Variants in PERM1 observed in about 807,000 individuals in gnomAD.
PERM1 encodes PGC-1 and ERR-induced regulator in muscle protein 1.
In PERM1, 45 loss-of-function variants were observed where a neutral mutation model predicts 44.1. That is an observed-to-expected ratio of 1.02 (90% confidence interval 0.80 to 1.31). The LOEUF (loss-of-function observed/expected upper bound fraction) is 1.31. Ranked by LOEUF, PERM1 falls within the 50% of genes most tolerant of loss-of-function variation. The pLI, the probability that PERM1 is intolerant of heterozygous loss-of-function variation, is 0.00. For missense variants in PERM1, 1,189 were observed against 1,106.9 expected (o/e 1.07, Z -1.05); for synonymous variants, 565 against 477.1 (o/e 1.18, Z -2.40).
exon 1 of PERM1, chr1:979,314 G>C: frequency 6.5e-7 from 1 of 1,537,424 alleles, no homozygotes; most frequent in Non-Finnish European, 8.8e-7. Flanking sequence ...AGCTGCTCCC[G>C]GGCCCGACCC....
At chr1:978,301 C>T (rs947142660) in intron 1 of PERM1, among the ~76,000 whole-genome samples, 2 of 150,292 alleles carry the variant, frequency 1.3e-5, no homozygotes, top group Non-Finnish European at 3.0e-5. Flanking sequence ...TTGTGCTGGA[C>T]ACGTCTACCC....
chr1:980,862 G>A, exon 1 of PERM1: 3 of 1,402,766 alleles, frequency 2.1e-6, no homozygotes, highest in Non-Finnish European at 1.8e-6. Context: ...GGAGAGGTGG[G>A]GCCCTGGGGG....
At chr1:979,245 G>C in exon 1 of PERM1, 1 of 1,550,086 alleles carries the variant, frequency 6.5e-7, no homozygotes. Context: ...CAGCCTCTTC[G>C]TTCTCCTCGA....
At position 976,498 on chromosome 1, in the gene PERM1, C is replaced by T. The variant is rs571957811; in HGVS notation, c.2275+1G>A. On this transcript the variant is annotated splice_donor_variant, in intron 2 of 2. Transcript: ENST00000433179. LOFTEE classifies it high-confidence loss of function. Reference sequence around the variant, plus strand: ...CTCCCTCTGCCCCCAGGCACCCAAACCTGTTTTCCAGGCGTCTGGGGTATG... The same window carrying T: ...CTCCCTCTGCCCCCAGGCACCCAAATCTGTTTTCCAGGCGTCTGGGGTATG... 7.1e-6 allele frequency: 11 copies of T among 1,549,534 alleles called. No homozygotes were observed. Among genetic ancestry groups the T allele is most frequent in the South Asian group, 2.4e-5 (2 of 84,066 alleles).
intron 1 of PERM1, 38 bp from the exon 3 acceptor site, chr1:976,662 T>G: frequency 6.5e-7 from 1 of 1,545,782 alleles, no homozygotes; most frequent in South Asian, 1.2e-5. Flanking sequence ...ACGGCTGCAC[T>G]CAGAGATGGC....
chr1:976,347 G>A (rs1570062497), intron 2 of PERM1, 78 bp from the exon 4 acceptor site: 1 of 1,472,562 alleles, frequency 6.8e-7, no homozygotes, highest in Non-Finnish European at 9.0e-7. Flanking sequence ...AGCCCTCAAA[G>A]GGCGGGCAAG....
exon 1 of PERM1, chr1:980,824 C>T (rs1339744339): frequency 9.3e-6 from 13 of 1,398,652 alleles, no homozygotes; most frequent in South Asian, 5.2e-5. Flanking sequence ...CCGCCGGCTC[C>T]GCCCTCCTGC....
intron 2 of PERM1, 76 bp downstream of exon 3, chr1:976,423 C>T (rs1570062679): frequency 6.5e-7 from 1 of 1,545,022 alleles, no homozygotes; most frequent in Non-Finnish European, 8.7e-7. Flanking sequence ...CCGGGGCCCC[C>T]GTGCACCCCT....
exon 1 of PERM1, chr1:980,499 T>G (rs987713041): frequency 3.3e-5 from 49 of 1,500,428 alleles, no homozygotes; most frequent in Non-Finnish European, 4.4e-5. Context: ...TGGGGCTCCG[T>G]GGTGGGGCTC....
exon 1 of PERM1, chr1:979,726 A>G (rs1415436064): frequency 6.5e-7 from 1 of 1,550,300 alleles, no homozygotes; most frequent in East Asian, 2.4e-5. Context: ...CATCCTCGGC[A>G]CAGCCTCCGA....
Position 979,335 on chromosome 1 carries a change from AGAGGGAGGGGGGCGAGGCAGGTGCTT to A in PERM1, c.1669_1694del (p.Lys557CysfsTer25). On this transcript the variant is annotated frameshift_variant, in exon 1 of 3. Transcript: ENST00000433179. LOFTEE classifies it high-confidence loss of function. The stretch of plus-strand genomic sequence containing the variant: ...TCCCGGGCCCGACCCTCGTCACGGC[AGAGGGAGGGGGGCGAGGCAGGTGCTT>A]GAGGATCCGAGGCTGGTGGGGCCGG... The A allele has an allele frequency of 6.6e-7, 1 of 1,525,038 alleles. No individual in the cohort carries two copies. The allele number at this position is 1,525,038 out of a possible 1,614,324, so 94.5% of individuals were successfully genotyped here. A position where few individuals can be genotyped will look rare whatever the true frequency, so the allele number is the denominator to read the frequency against.
chr1:976,393 GA>G (rs1643608345), intron 2 of PERM1, 105 bp downstream of exon 3: 1 of 1,516,532 alleles, frequency 6.6e-7, no homozygotes, highest in East Asian at 2.5e-5. Context: ...AGCCTGGGGG[GA>G]GCAGGTCAGG....
At chr1:981,302 G>C, upstream of PERM1, 1 of 880,922 alleles carries the variant, frequency 1.1e-6, no homozygotes, top group South Asian at 1.9e-5. Flanking sequence ...AATGATAGCT[G>C]TGTGATGATG....
chr1:980,287 C>T, exon 1 of PERM1: 1 of 1,550,364 alleles, frequency 6.5e-7, no homozygotes, highest in Admixed American at 2.0e-5. Flanking sequence ...TGGCCCTGGT[C>T]TGTCTTCCTG....
intron 1 of PERM1, 130 bp downstream of exon 2, chr1:978,751 C>T: frequency 2.4e-6 from 2 of 838,202 alleles, no homozygotes; most frequent in South Asian, 2.3e-5. Flanking sequence ...GGGGGCTGGT[C>T]CCCAGGCTCC....
At chr1:980,507 C>A (rs1053872462) in exon 1 of PERM1, 58 of 1,489,018 alleles carry the variant, frequency 3.9e-5, no homozygotes, top group Non-Finnish European at 5.0e-5. Context: ...CGTGGTGGGG[C>A]TCCAGGGCTA....
chr1:980,310 G>T (rs1158038138), exon 1 of PERM1: 1 of 1,550,324 alleles, frequency 6.5e-7, no homozygotes, highest in East Asian at 2.4e-5. Flanking sequence ...CAGGGGACCT[G>T]GGGCCAGGCT....
upstream of PERM1, chr1:981,054 G>T (rs1301198498): frequency 9.7e-6 from 15 of 1,543,422 alleles, no homozygotes; most frequent in African/African-American, 2.1e-4. Flanking sequence ...GGCACTGGAG[G>T]GTAGCAGAAT....
chr1:976,572 G>GCACA lies in PERM1; in HGVS notation c.2198_2201dup (p.Leu735ValfsTer89). On this transcript the variant is annotated frameshift_variant, in exon 2 of 3. Transcript: ENST00000433179. LOFTEE classifies it high-confidence loss of function. ...AGGTGGCAAAAGCTACAAACACCAG[G>GCACA]CACATGTCATTCTGGCTGAAGGCAA... 6.5e-7 allele frequency: 1 copy of GCACA among 1,549,578 alleles called. No homozygotes were observed. Among genetic ancestry groups the GCACA allele is most frequent in the Non-Finnish European group, 8.7e-7 (1 of 1,146,434 alleles).
Sources: gnomAD v4.1 joint callset for allele counts (sites outside exome capture counted in the v4.1 genomes callset) on GRCh38, gnomAD v4.1.1 for gene constraint, MANE v1.5 for transcripts, NCBI Gene and HGNC (gene_info 2026-07-23, HGNC 2026-07-21) for gene names.